The following ABLIM2 variants were observed in gnomAD, a reference collection of about 807,000 sequenced individuals.
ABLIM2 encodes the protein actin-binding LIM protein 2.
A neutral mutation model predicts 97.7 loss-of-function variants in ABLIM2; 53 were observed. The ratio of observed to expected loss-of-function variants is 0.54; its 90% CI spans 0.44 to 0.68. ABLIM2 has a LOEUF of 0.68. Ranked by LOEUF, ABLIM2 falls within the 30% of genes least tolerant of loss-of-function variation. The pLI, the probability that ABLIM2 is intolerant of heterozygous loss-of-function variation, is 0.00. For synonymous variants in ABLIM2, 361 were observed against 345.8 expected, an observed-to-expected ratio of 1.04 and a Z score of -0.49; for missense variants, 835 against 867.2, an observed-to-expected ratio of 0.96 and a Z score of 0.47.
chr4:8,107,330 C>T (rs1837962876), intron 1 of ABLIM2, among the ~76,000 whole-genome samples: 2 of 152,262 alleles, frequency 1.3e-5, no homozygotes, highest in Non-Finnish European at 2.9e-5. Flanking sequence ...CCCAAAGCAT[C>T]TGCAGAGACC....
rs940706848 is a variant in ABLIM2 at position 8,023,774 on chromosome 4, A to T, written c.1268-3471T>A. ...TTTCTCTCCATTTATTTGTTTACTC[A>T]ACATTTATGTAGATCCTTGTGGACT... On this transcript the variant is annotated intron_variant, in intron 12 of 20. Coordinates refer to ENST00000447017, the MANE Select transcript of ABLIM2 (RefSeq NM_001130083.2). The surrounding 1 kb of genome is among the most constrained non-coding windows in gnomAD (Gnocchi z 5.7). Among the ~76,000 whole-genome samples, 46 of 152,286 alleles carry T rather than the reference A, an allele frequency of 3.0e-4. No individual in the cohort carries two copies. Among genetic ancestry groups the T allele is most frequent in the Non-Finnish European group, 5.3e-4 (36 of 68,018 alleles).
rs753653078 is a variant in ABLIM2 at position 8,054,239 on chromosome 4, G to A, written c.771C>T (p.Ser257=). The A allele has an allele frequency of 3.1e-6, 5 of 1,614,052 alleles. No individual in the cohort carries two copies. The highest frequency in any genetic ancestry group is 4.2e-6 in the Non-Finnish European group (5 of 1,179,896). Residue 257 remains serine, a synonymous_variant, in exon 8 of 21, where the codon TCC becomes TCT. Coordinates refer to ENST00000447017, the MANE Select transcript of ABLIM2 (RefSeq NM_001130083.2). This position sits in a 1 kb window ranked among gnomAD's most constrained non-coding sequence, Gnocchi z 4.9. ...CTTGTCGACACGCCGGATGCCAGAT[G>A]GAGGAACCTGTTGACAAATTCCCAA... is the stretch of plus-strand genomic sequence containing the variant. ...EGEEMYLQGS[S]IWHPACRQAA...
chr4:8,121,538 C>G (rs143221647), intron 1 of ABLIM2, among the ~76,000 whole-genome samples: 17 of 152,196 alleles, frequency 1.1e-4, no homozygotes, highest in African/African-American at 3.1e-4. Flanking sequence ...TGCCACCCCC[C>G]ACACAGAGGC....
chr4:8,060,822 C>A, intron 7 of ABLIM2, 145 bp downstream of exon 7: 1 of 664,650 alleles, frequency 1.5e-6, no homozygotes, highest in African/African-American at 1.8e-5. Context: ...ACCGCCCTGC[C>A]CTGCCGGCTC....
At chr4:8,088,423 G>A (rs1040871864) in intron 3 of ABLIM2, 139 bp from the exon 4 acceptor site, 3 of 661,524 alleles carry the variant, frequency 4.5e-6, no homozygotes, top group Non-Finnish European at 8.0e-6. Flanking sequence ...AGGAAATGCA[G>A]GGCCTCTCCA....
At chr4:8,007,563 A>G (rs538356608) in intron 16 of ABLIM2, 1 of 986,504 alleles carries the variant, frequency 1.0e-6, no homozygotes, top group East Asian at 1.1e-4. Flanking sequence ...CAGTCTTCAA[A>G]ACACCCCTAG....
intron 12 of ABLIM2, among the ~76,000 whole-genome samples, chr4:8,026,505 G>A (rs1034647200): frequency 7.2e-5 from 11 of 152,254 alleles, no homozygotes; most frequent in Non-Finnish European, 1.3e-4. Context: ...GTGATGGAGA[G>A]TCCAGCTGCC....
At chr4:8,084,028 G>GGGGGTCA (rs1821630376) in intron 4 of ABLIM2, among the ~76,000 whole-genome samples, 1 of 152,008 alleles carries the variant, frequency 6.6e-6, no homozygotes, top group South Asian at 2.1e-4. Flanking sequence ...AGGTCTAACT[G>GGGGGTCA]GGGGTCAGGG....
intron 2 of ABLIM2, among the ~76,000 whole-genome samples, chr4:8,100,147 C>G (rs1254083949): frequency 6.6e-6 from 1 of 152,180 alleles, no homozygotes; most frequent in Non-Finnish European, 1.5e-5. Flanking sequence ...GGCACTGACT[C>G]TAAGGAATGT....
Position 8,140,541 on chromosome 4 carries a change from C to G in ABLIM2, c.10+18139G>C, listed in dbSNP as rs529554839. ...GCCTTGCCTGCATGTGGGAGCCACA[C>G]GTGGCCTCTCTTTAACCGGCTTCAA... On this transcript the variant is annotated intron_variant, in intron 1 of 20. Transcript: ENST00000447017. This position sits in a 1 kb window ranked among gnomAD's most constrained non-coding sequence, Gnocchi z 5.9. Among the ~76,000 whole-genome samples the G allele has an allele frequency of 6.6e-6, 1 of 152,162 alleles. No individual in the cohort carries two copies. The highest frequency in any genetic ancestry group is 1.5e-5 in the Non-Finnish European group (1 of 68,024).
chr4:8,010,379 C>T (rs912613956), intron 14 of ABLIM2: 22 of 985,722 alleles, frequency 2.2e-5, no homozygotes, highest in African/African-American at 1.7e-4. Context: ...GTCCCCAGCC[C>T]GCCACGAAGA....
At chr4:8,045,447 G>C (rs1003858602) in intron 8 of ABLIM2, among the ~76,000 whole-genome samples, 18 of 152,192 alleles carry the variant, frequency 1.2e-4, no homozygotes, top group Admixed American at 3.9e-4. Context: ...TCAGGAGTTC[G>C]AGATCAGTCT....
rs746707422 is a variant in ABLIM2, at chr4:8,067,703, C to G, written c.676-6649G>C. On this transcript the variant is annotated intron_variant, in intron 6 of 20. Transcript: ENST00000447017. This position sits in a 1 kb window ranked among gnomAD's most constrained non-coding sequence, Gnocchi z 5.4. ...CGTCAAGTGGACGGAGCAAATGTGC[C>G]TGCCGGTGCTCAGGCCTGTCCCAGG... 1 of 152,278 alleles carries G rather than the reference C, an allele frequency of 6.6e-6. No homozygotes were observed. Among genetic ancestry groups the G allele is most frequent in the African/African-American group, 2.4e-5 (1 of 41,474 alleles). 9.4% of individuals were successfully genotyped at this position (152,278 alleles called of 1,614,324 possible).
At chr4:7,976,735 A>G (rs2149501911) in intron 20 of ABLIM2, among the ~76,000 whole-genome samples, 1 of 151,844 alleles carries the variant, frequency 6.6e-6, no homozygotes, top group South Asian at 2.1e-4. Flanking sequence ...ACACACACAT[A>G]CACATATGCA....
intron 2 of ABLIM2, among the ~76,000 whole-genome samples, 175 bp from the exon 3 acceptor site, chr4:8,097,457 A>G (rs1376899188): frequency 6.6e-6 from 1 of 151,864 alleles, no homozygotes; most frequent in African/African-American, 2.4e-5. Context: ...CCTGGGACAG[A>G]CTCCAGCTCT....
intron 20 of ABLIM2, among the ~76,000 whole-genome samples, chr4:7,972,955 C>T (rs1438650156): frequency 2.0e-5 from 3 of 152,058 alleles, no homozygotes; most frequent in South Asian, 2.1e-4. Context: ...ATTTTTCAGG[C>T]GCATTCCAAC....
In ABLIM2 at chr4:8,124,441, G is replaced by A. The variant is rs972394334; in HGVS notation, c.11-17804C>T. Among the ~76,000 whole-genome samples, 1 of 152,190 alleles carries A rather than the reference G, an allele frequency of 6.6e-6. No individual in the cohort carries two copies. The highest frequency in any genetic ancestry group is 2.1e-4 in the South Asian group (1 of 4,826). ...TCCCGTTTTCCCTCCGCAGCCCCTG[G>A]TAACAACTGGTCTGTCTCTGTGGAT... On this transcript the variant is annotated intron_variant, in intron 1 of 20. Transcript: ENST00000447017. The surrounding 1 kb of genome is among the most constrained non-coding windows in gnomAD (Gnocchi z 6.1).
chr4:8,003,844 C>T lies in ABLIM2; in HGVS notation c.1618+4215G>A, dbSNP rs980928219. On this transcript the variant is annotated intron_variant, in intron 16 of 20. Transcript: ENST00000447017. This position sits in a 1 kb window ranked among gnomAD's most constrained non-coding sequence, Gnocchi z 4.2. ...CCTCCCAAAGTGCTGGGATTACAGG[C>T]ATGAGCCACTGTGCCTGGCCCTCTT... is the stretch of plus-strand genomic sequence containing the variant. Among the ~76,000 whole-genome samples the T allele has an allele frequency of 6.6e-6, 1 of 152,188 alleles. No individual in the cohort carries two copies. The highest frequency in any genetic ancestry group is 2.4e-5 in the African/African-American group (1 of 41,524).
In ABLIM2 at chr4:8,019,540, A is replaced by G. The variant is rs1772013612; in HGVS notation, c.1423+78T>C. ...TCACTGCATTTATCAGAACACAACAAAAGGATGCATTCAGAAGCAGATGGG... is the reference window on the plus strand; with the variant it reads ...TCACTGCATTTATCAGAACACAACAGAAGGATGCATTCAGAAGCAGATGGG... On this transcript the variant is annotated intron_variant, in intron 14 of 20. Coordinates refer to ENST00000447017, the MANE Select transcript of ABLIM2 (RefSeq NM_001130083.2). The surrounding 1 kb of genome is among the most constrained non-coding windows in gnomAD (Gnocchi z 4.3). 1 of 1,413,802 alleles carries G rather than the reference A, an allele frequency of 7.1e-7. No individual in the cohort carries two copies. The highest frequency in any genetic ancestry group is 9.8e-7 in the Non-Finnish European group (1 of 1,019,750). 87.6% of individuals were successfully genotyped at this position (1,413,802 alleles called of 1,614,324 possible). A position where few individuals can be genotyped will look rare whatever the true frequency, so the allele number is the denominator to read the frequency against.
Sources: gnomAD v4.1 joint callset for allele counts (sites outside exome capture counted in the v4.1 genomes callset) on GRCh38, gnomAD v4.1.1 for gene constraint, Gnocchi (gnomAD v3.1) non-coding constraint, MANE v1.5 for transcripts, NCBI Gene and HGNC (gene_info 2026-07-23, HGNC 2026-07-21) for gene names.